The following CNTN4 variants were observed in gnomAD, a reference collection of about 807,000 sequenced individuals.
The protein encoded by CNTN4 is contactin-4.
Under a neutral mutation model 122.5 loss-of-function variants are expected in CNTN4, and 77 were observed. That is an observed-to-expected ratio of 0.63 (90% CI 0.52 to 0.76). The LOEUF (loss-of-function observed/expected upper bound fraction) is 0.76. CNTN4 is among the 30% of genes least tolerant of loss of function. The probability of loss-of-function intolerance (pLI) is 0.00; values close to 1 mark genes in which losing one functional copy is unlikely to be tolerated. For missense variants in CNTN4, 1,256 were observed against 1,259.1 expected, an observed-to-expected ratio of 1.00 and a Z score of 0.04; for synonymous variants, 512 against 447.0, an observed-to-expected ratio of 1.15 and a Z score of -1.83.
At chr3:2,664,024 G>A (rs1031674113) in intron 4 of CNTN4, among the ~76,000 whole-genome samples, 1 of 152,124 alleles carries the variant, frequency 6.6e-6, no homozygotes, top group Admixed American at 6.5e-5. Flanking sequence ...GTGGGGAAAA[G>A]GGAACAAATG....
intron 3 of CNTN4, among the ~76,000 whole-genome samples, chr3:2,494,749 G>A (rs2076409826): frequency 6.6e-6 from 1 of 152,180 alleles, no homozygotes; most frequent in African/African-American, 2.4e-5. Flanking sequence ...AGAGCCTGCT[G>A]TCTGTTGTGT....
intron 13 of CNTN4, 91 bp from the exon 14 acceptor site, chr3:2,988,254 G>A (rs1694756831): frequency 9.0e-6 from 11 of 1,224,088 alleles, no homozygotes; most frequent in South Asian, 8.6e-5. Context: ...AATGATTTAT[G>A]GTTTGAACAA....
intron 2 of CNTN4, among the ~76,000 whole-genome samples, chr3:2,236,548 G>C (rs2149578372): frequency 6.6e-6 from 1 of 152,270 alleles, no homozygotes; most frequent in East Asian, 1.9e-4. Context: ...TTAGTCTTCA[G>C]GAAGCAGTGA....
chr3:3,005,279 G>A (rs1409606412), intron 14 of CNTN4, among the ~76,000 whole-genome samples: 1 of 152,104 alleles, frequency 6.6e-6, no homozygotes, highest in African/African-American at 2.4e-5. Flanking sequence ...TTGCAATATG[G>A]ATAGGCTGAG....
intron 2 of CNTN4, among the ~76,000 whole-genome samples, chr3:2,234,177 G>C (rs190839052): frequency 1.3e-5 from 2 of 151,840 alleles, no homozygotes; most frequent in African/African-American, 2.4e-5. Context: ...TCAGGAGTTC[G>C]AGAGTAGCCT....
chr3:2,917,970 A>T (rs1045788352), intron 12 of CNTN4, among the ~76,000 whole-genome samples: 8 of 152,070 alleles, frequency 5.3e-5, no homozygotes, highest in African/African-American at 1.9e-4. Flanking sequence ...TTTTTCCAGC[A>T]TGAGAAGACC....
At chr3:2,476,960 A>G (rs979282334) in intron 3 of CNTN4, among the ~76,000 whole-genome samples, 2 of 152,134 alleles carry the variant, frequency 1.3e-5, no homozygotes, top group African/African-American at 4.8e-5. Context: ...GATTTTAGCT[A>G]CTTTTTGGAT....
intron 2 of CNTN4, among the ~76,000 whole-genome samples, chr3:2,312,892 C>A (rs2042964764): frequency 6.6e-6 from 1 of 151,730 alleles, no homozygotes. Context: ...TAGGAAATAA[C>A]ATTGAAAACT....
intron 2 of CNTN4, among the ~76,000 whole-genome samples, chr3:2,216,040 A>T (rs2038825422): frequency 6.6e-6 from 1 of 152,194 alleles, no homozygotes; most frequent in African/African-American, 2.4e-5. Flanking sequence ...TACTGAGTAT[A>T]TGCCCAAGGA....
In CNTN4 at chr3:2,401,112, T is replaced by C. The variant is rs79573331; in HGVS notation, c.-89+61879T>C. ...TGATCACCTGTATTACAGAATTAGG[T>C]TATTTTCCAAATTTGACAAAATTGC... On this transcript the variant is annotated intron_variant, in intron 3 of 24. Coordinates refer to ENST00000418658, the MANE Select transcript of CNTN4 (RefSeq NM_175607.3). 5.1e-3 allele frequency among the ~76,000 whole-genome samples: 774 copies of C among 152,290 alleles called. 3 individuals carry two copies. Among genetic ancestry groups the C allele is most frequent in the African/African-American group, 0.018 (735 of 41,576 alleles).
chr3:2,819,719 C>G, intron 7 of CNTN4, 138 bp downstream of exon 7: 1 of 731,796 alleles, frequency 1.4e-6, no homozygotes. Context: ...GAGGAAAAAC[C>G]ACGGTGAATG....
chr3:2,207,725 T>C (rs1375118620), intron 2 of CNTN4, among the ~76,000 whole-genome samples: 1 of 152,242 alleles, frequency 6.6e-6, no homozygotes, highest in Admixed American at 6.5e-5. Context: ...GTTAAGATCA[T>C]TGAAGGTAGC....
chr3:2,609,079 G>A (rs2081375484), intron 4 of CNTN4, among the ~76,000 whole-genome samples: 1 of 152,188 alleles, frequency 6.6e-6, no homozygotes, highest in Admixed American at 6.5e-5. Flanking sequence ...TTTTCTACGA[G>A]GCTTTCTTAG....
intron 3 of CNTN4, among the ~76,000 whole-genome samples, chr3:2,390,532 G>A (rs1392562856): frequency 3.9e-5 from 6 of 152,096 alleles, no homozygotes; most frequent in South Asian, 2.1e-4. Context: ...TTTACAAGTT[G>A]AATTGATATG....
At chr3:2,900,648 G>A in intron 10 of CNTN4, 37 bp from the exon 11 acceptor site, 1 of 1,608,162 alleles carries the variant, frequency 6.2e-7, no homozygotes, top group East Asian at 2.2e-5. Context: ...AGTACACACT[G>A]AATATACACC....
chr3:2,355,924 A>G (rs1235974715), intron 3 of CNTN4, among the ~76,000 whole-genome samples: 3 of 152,212 alleles, frequency 2.0e-5, no homozygotes, highest in Non-Finnish European at 2.9e-5. Flanking sequence ...GGCAGGGTTT[A>G]TCCCTGGTTA....
intron 3 of CNTN4, among the ~76,000 whole-genome samples, chr3:2,421,869 C>G (rs1163587100): frequency 6.6e-6 from 1 of 152,052 alleles, no homozygotes; most frequent in Non-Finnish European, 1.5e-5. Context: ...ACTTTAGTCA[C>G]AGAGAGATTA....
intron 4 of CNTN4, among the ~76,000 whole-genome samples, chr3:2,594,047 G>C (rs79313586): frequency 2.6e-5 from 4 of 152,146 alleles, no homozygotes; most frequent in African/African-American, 9.6e-5. Flanking sequence ...TTTGAGAACA[G>C]CATGAAAATT....
At chr3:2,703,563 G>T (rs993277111) in intron 4 of CNTN4, among the ~76,000 whole-genome samples, 3 of 152,056 alleles carry the variant, frequency 2.0e-5, no homozygotes, top group African/African-American at 7.2e-5. Context: ...ATGGGACAAA[G>T]AAATCTTCAG....
Sources: gnomAD v4.1 joint callset for allele counts (sites outside exome capture counted in the v4.1 genomes callset) on GRCh38, gnomAD v4.1.1 for gene constraint, MANE v1.5 for transcripts, NCBI Gene and HGNC (gene_info 2026-07-23, HGNC 2026-07-21) for gene names.